Variants in TM9SF3 observed in about 807,000 individuals in gnomAD.
TM9SF3 encodes SM-11044-binding protein.
TM9SF3 carries 14 observed loss-of-function variants against 78.6 expected under a neutral mutation model. The ratio of observed to expected loss-of-function variants is 0.18; its 90% CI spans 0.12 to 0.28. TM9SF3 has a LOEUF of 0.28. Ranked by LOEUF, TM9SF3 falls within the 10% of genes least tolerant of loss-of-function variation. TM9SF3 has a pLI of 1.00. For synonymous variants in TM9SF3, 231 were observed against 241.7 expected (o/e 0.96, Z 0.41); for missense variants, 496 against 721.9 (o/e 0.69, Z 3.59).
Position 96,524,714 on chromosome 10 carries a change from A to G in TM9SF3, c.1703-2384T>C, listed in dbSNP as rs75137848. ...TGCTCATAATATCCCACCTTAATGT[A>G]GTCATTTTTTCCTACATTAAAAAAA... is the stretch of plus-strand genomic sequence containing the variant. On this transcript the variant is annotated intron_variant, in intron 14 of 14. Coordinates refer to ENST00000371142, the MANE Select transcript of TM9SF3 (RefSeq NM_020123.4). Among the ~76,000 whole-genome samples, 1,357 of 152,032 alleles carry G rather than the reference A, an allele frequency of 8.9e-3. 8 individuals are homozygous for G. Among genetic ancestry groups the G allele is most frequent in the Non-Finnish European group, 0.015 (1,043 of 67,854 alleles).
intron 8 of TM9SF3, among the ~76,000 whole-genome samples, chr10:96,547,057 C>T (rs552975505): frequency 2.0e-5 from 3 of 152,248 alleles, no homozygotes; most frequent in Admixed American, 1.3e-4. Context: ...GTTATTAGTT[C>T]CATCAATTTC....
At chr10:96,580,630 A>T (rs1375904710) in intron 1 of TM9SF3, among the ~76,000 whole-genome samples, 2 of 151,922 alleles carry the variant, frequency 1.3e-5, no homozygotes, top group Non-Finnish European at 2.9e-5. Flanking sequence ...ACTTAGCCAA[A>T]CTCTAATAAT....
chr10:96,529,373 T>C (rs1589446407), intron 11 of TM9SF3, among the ~76,000 whole-genome samples: 1 of 152,254 alleles, frequency 6.6e-6, no homozygotes. Context: ...AAAAAGGATG[T>C]GTGGTTACTA....
In TM9SF3 at chr10:96,533,046, T is replaced by C; in HGVS notation, c.1325+5A>G. Reference sequence around the variant, plus strand: ...CAATCGCATAAGATTTAGCATTCTCTTTACCATTTTTTCTCCGGTATAGGA... The same window carrying C: ...CAATCGCATAAGATTTAGCATTCTCCTTACCATTTTTTCTCCGGTATAGGA... On this transcript the variant is annotated splice_donor_5th_base_variant and intron_variant, in intron 10 of 14. Transcript: ENST00000371142. 1 of 1,613,620 alleles carries C rather than the reference T, an allele frequency of 6.2e-7. No individual in the cohort carries two copies. Among genetic ancestry groups the C allele is most frequent in the African/African-American group, 1.3e-5 (1 of 75,010 alleles).
At chr10:96,586,652 G>A in intron 1 of TM9SF3, 82 bp downstream of exon 1, 1 of 1,135,170 alleles carries the variant, frequency 8.8e-7, no homozygotes, top group Non-Finnish European at 1.1e-6. Context: ...GGGCCGCCGG[G>A]CACTCCAGGC....
At chr10:96,528,842 G>A (rs182144735) in intron 11 of TM9SF3, among the ~76,000 whole-genome samples, 2 of 152,198 alleles carry the variant, frequency 1.3e-5, no homozygotes, top group East Asian at 1.9e-4. Context: ...CAGTTCTTAC[G>A]TTATAAAGAC....
chr10:96,582,097 T>C (rs78318593), intron 1 of TM9SF3, among the ~76,000 whole-genome samples: 3,061 of 151,600 alleles, frequency 0.02, 110 homozygotes, highest in African/African-American at 0.071. Flanking sequence ...TGCTTGCGTA[T>C]ATAACAGACC....
intron 8 of TM9SF3, among the ~76,000 whole-genome samples, chr10:96,545,310 T>C (rs1237236493): frequency 1.3e-5 from 2 of 152,168 alleles, no homozygotes; most frequent in Non-Finnish European, 2.9e-5. Flanking sequence ...AATACTCTAA[T>C]TTTTGCTTTC....
chr10:96,524,108 T>TGTTA (rs1324136551), intron 14 of TM9SF3, among the ~76,000 whole-genome samples: 2 of 151,912 alleles, frequency 1.3e-5, no homozygotes, highest in East Asian at 3.9e-4. Flanking sequence ...TGACACTGGG[T>TGTTA]GTTAGTACAT....
At chr10:96,533,775 T>C (rs959437930) in intron 9 of TM9SF3, among the ~76,000 whole-genome samples, 1 of 152,226 alleles carries the variant, frequency 6.6e-6, no homozygotes, top group African/African-American at 2.4e-5. Context: ...GCTATCTATG[T>C]GTCACTAGTA....
At chr10:96,565,216 C>CA in intron 3 of TM9SF3, 88 bp downstream of exon 3, 1 of 1,186,462 alleles carries the variant, frequency 8.4e-7, no homozygotes, top group Non-Finnish European at 1.1e-6. Flanking sequence ...ACACCATGAT[C>CA]CAGTACACAA....
intron 9 of TM9SF3, among the ~76,000 whole-genome samples, chr10:96,540,769 C>CTTTTTTTTTTTTT (rs68126103): frequency 3.9e-5 from 2 of 51,308 alleles, no homozygotes; most frequent in African/African-American, 8.2e-5. Context: ...TATTACCTTT[C>CTTTTTTTTTTTTT]TTTTTTTTTT....
chr10:96,535,618 C>G (rs944710865), intron 9 of TM9SF3, among the ~76,000 whole-genome samples: 1 of 152,088 alleles, frequency 6.6e-6, no homozygotes, highest in Non-Finnish European at 1.5e-5. Context: ...GGTGAAAACC[C>G]TGGAACTCAA....
At chr10:96,530,417 G>T in intron 11 of TM9SF3, 123 bp downstream of exon 11, 1 of 748,758 alleles carries the variant, frequency 1.3e-6, no homozygotes, top group Non-Finnish European at 2.1e-6. Flanking sequence ...TCCCTTTCTG[G>T]AATCATGGAA....
At chr10:96,528,669 T>G (rs1847864642) in intron 11 of TM9SF3, among the ~76,000 whole-genome samples, 1 of 152,120 alleles carries the variant, frequency 6.6e-6, no homozygotes, top group Non-Finnish European at 1.5e-5. Context: ...GGGAAAAGGC[T>G]TTAAGATTTT....
At chr10:96,541,376 T>A (rs1036100228) in intron 9 of TM9SF3, among the ~76,000 whole-genome samples, 2 of 150,512 alleles carry the variant, frequency 1.3e-5, no homozygotes, top group African/African-American at 4.9e-5. Context: ...ATCAATCTAA[T>A]TTTTTTTTTC....
At chr10:96,530,502 CA>C in intron 11 of TM9SF3, 37 bp downstream of exon 11, 1 of 1,540,874 alleles carries the variant, frequency 6.5e-7, no homozygotes, top group Non-Finnish European at 8.9e-7. Context: ...TTACTATAAT[CA>C]AATCCCTCAA....
chr10:96,518,321 C>G lies in TM9SF3; in HGVS notation c.*3942G>C, dbSNP rs992658136. ...TCCTTGGAACTCTGCACCGACTGTCCATGCTCTGTGGGGACTTACACATTC... is the reference window on the plus strand; with the variant it reads ...TCCTTGGAACTCTGCACCGACTGTCGATGCTCTGTGGGGACTTACACATTC... On this transcript the variant is annotated 3_prime_UTR_variant, in exon 15 of 15. Coordinates refer to ENST00000371142, the MANE Select transcript of TM9SF3 (RefSeq NM_020123.4). 6.6e-6 allele frequency: 1 copy of G among 152,154 alleles called. No homozygotes were observed. The highest frequency in any genetic ancestry group is 1.5e-5 in the Non-Finnish European group (1 of 68,010). 9.4% of individuals were successfully genotyped at this position (152,154 alleles called of 1,614,324 possible). A position where few individuals can be genotyped will look rare whatever the true frequency, so the allele number is the denominator to read the frequency against.
At chr10:96,583,507 C>T (rs1333509296) in intron 1 of TM9SF3, among the ~76,000 whole-genome samples, 1 of 152,140 alleles carries the variant, frequency 6.6e-6, no homozygotes, top group African/African-American at 2.4e-5. Flanking sequence ...ATACCTAGTG[C>T]TTTACTGTCT....
Sources: allele counts gnomAD v4.1 joint callset (sites outside exome capture counted in the v4.1 genomes callset), GRCh38; gene constraint gnomAD v4.1.1; transcripts MANE v1.5; gene names NCBI Gene and HGNC (gene_info 2026-07-23, HGNC 2026-07-21).